Variants in ESRRG observed in about 807,000 individuals in gnomAD.
ESRRG encodes the protein estrogen related receptor gamma.
A neutral mutation model predicts 44.0 loss-of-function variants in ESRRG; 13 were observed. The observed-to-expected ratio is 0.30, with a 90% CI of 0.19 to 0.47. ESRRG has a LOEUF of 0.47. Among genes scored for constraint, ESRRG ranks in the 20% least tolerant of loss-of-function variants. The pLI, the probability that ESRRG is intolerant of heterozygous loss-of-function variation, is 1.00. For synonymous variants in ESRRG, 215 were observed against 214.6 expected (o/e 1.00, Z -0.02); for missense variants, 395 against 580.6 (o/e 0.68, Z 3.29).
intron 2 of ESRRG, among the ~76,000 whole-genome samples, chr1:216,867,954 G>A (rs1468390413): frequency 4.0e-5 from 6 of 151,790 alleles, no homozygotes; most frequent in Non-Finnish European, 8.8e-5. Context: ...CCACTGATCT[G>A]TCTCCAGCAC....
chr1:216,880,304 C>CAAAAAAAAAAAAAAAAAA lies in ESRRG; in HGVS notation c.-14+59260_-14+59277dup, dbSNP rs11301281. On this transcript the variant is annotated intron_variant, in intron 2 of 7. Coordinates refer to the ESRRG transcript ENST00000359162. ...CCTGAGCGACAACAAGCCTCCCTCT[C>CAAAAAAAAAAAAAAAAAA]AAAAAAAAAAAAAAAAAAAAAAAAA... Among the ~76,000 whole-genome samples, 28 of 29,032 alleles carry CAAAAAAAAAAAAAAAAAA rather than the reference C, an allele frequency of 9.6e-4. 3 individuals carry two copies. The highest frequency in any genetic ancestry group is 1.3e-3 in the Non-Finnish European group (22 of 17,470). 19.0% of individuals were successfully genotyped at this position (29,032 alleles called of 152,430 possible).
intron 1 of ESRRG, among the ~76,000 whole-genome samples, chr1:216,691,471 C>T (rs1454948485): frequency 1.3e-5 from 2 of 152,130 alleles, no homozygotes; most frequent in Admixed American, 1.3e-4. Context: ...GATGTAGTAA[C>T]ACCTAGATGA....
intron 1 of ESRRG, among the ~76,000 whole-genome samples, chr1:217,122,655 A>G (rs79014418): frequency 0.047 from 6,779 of 144,660 alleles, 220 homozygotes; most frequent in Middle Eastern, 0.083. Flanking sequence ...GGCGGGAAAG[A>G]CACACACACT....
At chr1:216,989,537 G>A (rs3000609) in intron 1 of ESRRG, among the ~76,000 whole-genome samples, 29,801 of 151,430 alleles carry the variant, frequency 0.2, 3,386 homozygotes, top group East Asian at 0.44. Flanking sequence ...ATAGGCTTTC[G>A]AGGATTCCAT....
chr1:216,621,626 G>T (rs553810362), intron 3 of ESRRG, among the ~76,000 whole-genome samples: 2 of 152,234 alleles, frequency 1.3e-5, no homozygotes, highest in Non-Finnish European at 2.9e-5. Flanking sequence ...GACTGATCAG[G>T]CCATCTGGGG....
chr1:216,602,138 G>A (rs1300967567), intron 3 of ESRRG, among the ~76,000 whole-genome samples: 1 of 152,082 alleles, frequency 6.6e-6, no homozygotes, highest in Non-Finnish European at 1.5e-5. Flanking sequence ...CACAGTTAGG[G>A]GTATTATCCC....
At chr1:216,611,211 C>CAA (rs397861468) in intron 3 of ESRRG, among the ~76,000 whole-genome samples, 2,088 of 60,404 alleles carry the variant, frequency 0.035, 218 homozygotes, top group Non-Finnish European at 0.037. Flanking sequence ...ACTCCGTCCT[C>CAA]AAAAAAAAAA....
intron 1 of ESRRG, among the ~76,000 whole-genome samples, chr1:217,058,771 G>GTT (rs1163480145): frequency 6.6e-6 from 1 of 151,614 alleles, no homozygotes. Flanking sequence ...GATATTTTGG[G>GTT]AAGGAAGGCG....
At chr1:216,939,363 A>AAAAAAAAAAAAAAAAC (rs2064795870) in intron 2 of ESRRG, among the ~76,000 whole-genome samples, 1 of 142,538 alleles carries the variant, frequency 7.0e-6, no homozygotes, top group African/African-American at 2.9e-5. Flanking sequence ...AAAAAAAAAA[A>AAAAAAAAAAAAAAAAC]AAAAAAACAC....
At chr1:216,807,595 C>A (rs759648825) in intron 2 of ESRRG, among the ~76,000 whole-genome samples, 6 of 151,856 alleles carry the variant, frequency 4.0e-5, no homozygotes, top group African/African-American at 7.3e-5. Flanking sequence ...GGGTAAAGAA[C>A]CTTGAGGTAC....
Position 216,854,087 on chromosome 1 carries a change from G to T in ESRRG, c.-14+85495C>A, listed in dbSNP as rs1015673859. Among the ~76,000 whole-genome samples the T allele has an allele frequency of 3.7e-4, 56 of 152,058 alleles. 1 individual carries two copies. Among genetic ancestry groups the T allele is most frequent in the Admixed American group, 2.6e-4 (4 of 15,276 alleles). On this transcript the variant is annotated intron_variant, in intron 2 of 7. Transcript: ENST00000359162. Reference sequence around the variant, plus strand: ...AAGCTCCCTAGATGTGGCAGGGTGCGGTGGCTCATGCCTGTAATCCTAGCA... The same window carrying T: ...AAGCTCCCTAGATGTGGCAGGGTGCTGTGGCTCATGCCTGTAATCCTAGCA...
At chr1:216,638,807 A>G (rs2065817431) in intron 3 of ESRRG, among the ~76,000 whole-genome samples, 1 of 152,206 alleles carries the variant, frequency 6.6e-6, no homozygotes, top group Admixed American at 6.5e-5. Flanking sequence ...AGATAGACTT[A>G]CAATGTGTAT....
intron 1 of ESRRG, among the ~76,000 whole-genome samples, chr1:217,063,780 C>T (rs1264745242): frequency 6.6e-6 from 1 of 152,146 alleles, no homozygotes; most frequent in East Asian, 1.9e-4. Context: ...ATGCAACCCT[C>T]TAGAGAGTCT....
At chr1:217,128,831 T>A (rs1186610675) in intron 1 of ESRRG, among the ~76,000 whole-genome samples, 1 of 152,206 alleles carries the variant, frequency 6.6e-6, no homozygotes, top group Non-Finnish European at 1.5e-5. Context: ...TTGTGTTATG[T>A]TTAATCTGAG....
rs796633970 is a variant in ESRRG at position 216,984,057 on chromosome 1, G to C, written c.-105-44384C>G. Among the ~76,000 whole-genome samples, 241 of 145,838 alleles carry C rather than the reference G, an allele frequency of 1.7e-3. 2 individuals are homozygous for C. The highest frequency in any genetic ancestry group is 5.9e-3 in the African/African-American group (233 of 39,560). On this transcript the variant is annotated intron_variant, in intron 1 of 7. Coordinates refer to the ESRRG transcript ENST00000359162. ...GGAGAGATAATAAGAATGGGGGGGGGTATGTGGAGGCTCAAGCACTATAAA... is the reference window on the plus strand; with the variant it reads ...GGAGAGATAATAAGAATGGGGGGGGCTATGTGGAGGCTCAAGCACTATAAA...
chr1:216,505,133 A>G lies in ESRRG; in HGVS notation c.*1806T>C, dbSNP rs1022007737. The G allele has an allele frequency of 1.3e-5, 2 of 152,686 alleles. No individual in the cohort carries two copies. The highest frequency in any genetic ancestry group is 2.9e-5 in the Non-Finnish European group (2 of 68,046). 9.5% of individuals were successfully genotyped at this position (152,686 alleles called of 1,614,324 possible). A position where few individuals can be genotyped will look rare whatever the true frequency, so the allele number is the denominator to read the frequency against. ...CAATTTTAATTACATCTGTGTACAT[A>G]GAATAAGACTGTTCACATAATACAG... On this transcript the variant is annotated 3_prime_UTR_variant, in exon 7 of 7. Transcript: ENST00000408911.
intron 1 of ESRRG, among the ~76,000 whole-genome samples, chr1:217,032,914 A>G (rs1169226457): frequency 1.3e-5 from 2 of 152,210 alleles, no homozygotes; most frequent in African/African-American, 4.8e-5. Flanking sequence ...CTCACATGTA[A>G]AAGTAAAACC....
chr1:216,532,705 C>G (rs996845533), intron 5 of ESRRG, among the ~76,000 whole-genome samples: 6 of 152,304 alleles, frequency 3.9e-5, no homozygotes, highest in African/African-American at 1.4e-4. Context: ...CCAGCTCCTC[C>G]TTGAAGCACA....
At position 216,677,245 on chromosome 1, in the gene ESRRG, A is replaced by C. The variant is rs777963595; in HGVS notation, c.303T>G (p.Tyr101Ter). ...CAACAATGGTGCTGGAGCAGTCATC[A>C]TACAGTTTCCTGACAGGCCCACTAC... Reference protein sequence around the residue: ...LGGSGPVRKLYDDCSSTIVED... With the variant: ...LGGSGPVRKL The change falls in exon 2 of 7, where the codon TAT becomes TAG. Residue 101 changes from tyrosine (Y) to a stop codon, truncating the protein, a stop_gained. Coordinates refer to ENST00000408911, the MANE Select transcript of ESRRG (RefSeq NM_001438.4). LOFTEE classifies it high-confidence loss of function. 2 of 1,614,164 alleles carry C rather than the reference A, an allele frequency of 1.2e-6. No homozygotes were observed. Among genetic ancestry groups the C allele is most frequent in the Non-Finnish European group, 1.7e-6 (2 of 1,180,018 alleles).
Sources: allele counts gnomAD v4.1 joint callset (sites outside exome capture counted in the v4.1 genomes callset), GRCh38; gene constraint gnomAD v4.1.1; transcripts MANE v1.5; gene names NCBI Gene and HGNC (gene_info 2026-07-23, HGNC 2026-07-21).